KIF26B: variants seen among roughly 807,000 people sequenced by gnomAD.
The protein encoded by KIF26B is kinesin family member 26B.
In KIF26B, 63 loss-of-function variants were observed where a neutral mutation model predicts 151.2. That is an observed-to-expected ratio of 0.42 (90% CI 0.34 to 0.51). The LOEUF (loss-of-function observed/expected upper bound fraction) is 0.51, where lower values mean the gene tolerates loss of function less well. KIF26B is among the 20% of genes least tolerant of loss of function. The pLI, the probability that KIF26B is intolerant of heterozygous loss-of-function variation, is 0.07. For synonymous variants in KIF26B, 1,357 were observed against 1,262.1 expected, an observed-to-expected ratio of 1.08 and a Z score of -1.59; for missense variants, 2,813 against 2,913.6, an observed-to-expected ratio of 0.97 and a Z score of 0.79.
rs7551348 is a variant in KIF26B, at chr1:245,540,517, T to C, written c.1167-250T>C. 0.44 allele frequency: 295,506 copies of C among 678,956 alleles called. 65,575 individuals carry two copies. The highest frequency in any genetic ancestry group is 0.53 in the East Asian group (18,591 of 34,968). The allele number at this position is 678,956 out of a possible 1,614,324, so 42.1% of individuals were successfully genotyped here. ...ATGTTGGTGGATAACACATCATTCTTTGTAAATCGTGATTGCAGAATCCTG... is the reference window on the plus strand; with the variant it reads ...ATGTTGGTGGATAACACATCATTCTCTGTAAATCGTGATTGCAGAATCCTG... On this transcript the variant is annotated intron_variant, in intron 4 of 14. Coordinates refer to ENST00000407071, the MANE Select transcript of KIF26B (RefSeq NM_018012.4). This position sits in a 1 kb window ranked among gnomAD's most constrained non-coding sequence, Gnocchi z 4.6.
intron 2 of KIF26B, among the ~76,000 whole-genome samples, chr1:245,297,454 G>A (rs562778968): frequency 3.3e-4 from 51 of 152,328 alleles, no homozygotes; most frequent in African/African-American, 1.2e-3. Context: ...GGAAGGCAGA[G>A]GTGGGATTTG....
intron 2 of KIF26B, among the ~76,000 whole-genome samples, chr1:245,363,296 A>T (rs952004467): frequency 3.3e-5 from 5 of 152,136 alleles, no homozygotes; most frequent in African/African-American, 1.2e-4. Context: ...TCCCAGGCTC[A>T]AGAGATTCTC....
At chr1:245,232,740 G>C (rs1056121488) in intron 2 of KIF26B, among the ~76,000 whole-genome samples, 5 of 152,038 alleles carry the variant, frequency 3.3e-5, no homozygotes, top group African/African-American at 1.2e-4. Flanking sequence ...AGTAGAGACG[G>C]GGTTTCTCCA....
At chr1:245,277,547 C>T (rs1670961379) in intron 2 of KIF26B, among the ~76,000 whole-genome samples, 1 of 152,102 alleles carries the variant, frequency 6.6e-6, no homozygotes, top group African/African-American at 2.4e-5. Context: ...TGGCTCCAGA[C>T]CCCTGGCCTC....
intron 2 of KIF26B, among the ~76,000 whole-genome samples, chr1:245,306,677 A>G (rs1029728037): frequency 1.3e-5 from 2 of 152,144 alleles, no homozygotes; most frequent in African/African-American, 4.8e-5. Flanking sequence ...ACATTTGTAA[A>G]CCTTACATGT....
chr1:245,474,175 C>T (rs1485635516), intron 4 of KIF26B, among the ~76,000 whole-genome samples: 3 of 147,752 alleles, frequency 2.0e-5, no homozygotes, highest in African/African-American at 7.5e-5. Context: ...GTGGCATGAT[C>T]TCAGCTCACT....
Position 245,166,805 on chromosome 1 carries a change from C to T in KIF26B, c.465+10122C>T, listed in dbSNP as rs1668622319. ...AGTCTGGGAATAAAGAAGTCACCCT[C>T]CCCCACCAAGCAGGATATCCTGCAC... On this transcript the variant is annotated intron_variant, in intron 2 of 14. Coordinates refer to ENST00000407071, the MANE Select transcript of KIF26B (RefSeq NM_018012.4). The surrounding 1 kb of genome is among the most constrained non-coding windows in gnomAD (Gnocchi z 4.5). Among the ~76,000 whole-genome samples the T allele has an allele frequency of 6.6e-6, 1 of 152,128 alleles. No homozygotes were observed. Among genetic ancestry groups the T allele is most frequent in the South Asian group, 2.1e-4 (1 of 4,808 alleles).
chr1:245,418,889 G>A (rs1014337898), intron 3 of KIF26B, among the ~76,000 whole-genome samples: 6 of 152,104 alleles, frequency 3.9e-5, no homozygotes, highest in African/African-American at 9.7e-5. Context: ...AAAATGGACC[G>A]AGCTCCATCC....
chr1:245,349,924 C>T (rs1329118561), intron 2 of KIF26B, among the ~76,000 whole-genome samples: 2 of 152,120 alleles, frequency 1.3e-5, no homozygotes, highest in African/African-American at 2.4e-5. Context: ...AGGAATTGCA[C>T]CTAAAACCCA....
rs1000351016 is a variant in KIF26B, at chr1:245,670,529, T to A, written c.2259-13704T>A. On this transcript the variant is annotated intron_variant, in intron 10 of 14. Coordinates refer to ENST00000407071, the MANE Select transcript of KIF26B (RefSeq NM_018012.4). ...ATTGTAGTGAAATAAATGTCTCATT[T>A]AAAAAAAAAAGAATTGAAAGCAGGA... Among the ~76,000 whole-genome samples, 78 of 148,922 alleles carry A rather than the reference T, an allele frequency of 5.2e-4. 1 individual carries two copies. Among genetic ancestry groups the A allele is most frequent in the African/African-American group, 8.6e-4 (35 of 40,514 alleles).
intron 4 of KIF26B, among the ~76,000 whole-genome samples, chr1:245,466,823 G>T (rs1460945644): frequency 6.6e-6 from 1 of 152,184 alleles, no homozygotes; most frequent in African/African-American, 2.4e-5. Flanking sequence ...CTACTTGGGA[G>T]GCTGCGGCAC....
chr1:245,324,878 T>C (rs1671955415), intron 2 of KIF26B, among the ~76,000 whole-genome samples: 1 of 151,944 alleles, frequency 6.6e-6, no homozygotes, highest in Non-Finnish European at 1.5e-5. Flanking sequence ...GCGGATTACC[T>C]GAGGTCAGGA....
At chr1:245,640,632 T>C (rs2043882474) in intron 9 of KIF26B, among the ~76,000 whole-genome samples, 1 of 152,140 alleles carries the variant, frequency 6.6e-6, no homozygotes, top group African/African-American at 2.4e-5. Flanking sequence ...TTTTCTTTGA[T>C]AGCATGTTTT....
chr1:245,294,307 C>T (rs1573757886), intron 2 of KIF26B, among the ~76,000 whole-genome samples: 1 of 152,134 alleles, frequency 6.6e-6, no homozygotes, highest in Non-Finnish European at 1.5e-5. Context: ...TTATTCTGTT[C>T]TCAAGGCAAG....
At chr1:245,354,471 T>C (rs1490242090) in intron 2 of KIF26B, among the ~76,000 whole-genome samples, 1 of 152,200 alleles carries the variant, frequency 6.6e-6, no homozygotes, top group Admixed American at 6.5e-5. Context: ...ATCAGCCTCT[T>C]CCACCACACT....
intron 2 of KIF26B, among the ~76,000 whole-genome samples, chr1:245,314,303 T>C (rs1456088659): frequency 6.6e-6 from 1 of 151,738 alleles, no homozygotes; most frequent in Non-Finnish European, 1.5e-5. Context: ...CAAAAAAAAA[T>C]TAGCCAGGCG....
At position 245,485,172 on chromosome 1, in the gene KIF26B, C is replaced by A. The variant is rs1040321644; in HGVS notation, c.1167-55595C>A. ...ATAGGGGACCTAGAATAGGCAAATT[C>A]ATGCAGACAGAAATAGTGATTACCA... On this transcript the variant is annotated intron_variant, in intron 4 of 14. Coordinates refer to ENST00000407071, the MANE Select transcript of KIF26B (RefSeq NM_018012.4). Among the ~76,000 whole-genome samples, 14 of 152,052 alleles carry A rather than the reference C, an allele frequency of 9.2e-5. No homozygotes were observed. In the South Asian group the frequency reaches 1.9e-3, roughly 20 times the overall value.
intron 2 of KIF26B, among the ~76,000 whole-genome samples, chr1:245,317,850 A>T (rs1197039172): frequency 1.3e-5 from 2 of 152,196 alleles, no homozygotes; most frequent in African/African-American, 4.8e-5. Context: ...AGATGTTCAG[A>T]TGCGCAGAGT....
At chr1:245,392,153 CG>C (rs1441981085) in intron 3 of KIF26B, among the ~76,000 whole-genome samples, 1 of 151,932 alleles carries the variant, frequency 6.6e-6, no homozygotes, top group Admixed American at 6.6e-5. Context: ...GCTCCTGAAA[CG>C]AAAGAGTTTG....
Sources: gnomAD v4.1 joint callset for allele counts (sites outside exome capture counted in the v4.1 genomes callset) on GRCh38, gnomAD v4.1.1 for gene constraint, Gnocchi (gnomAD v3.1) non-coding constraint, MANE v1.5 for transcripts, NCBI Gene and HGNC (gene_info 2026-07-23, HGNC 2026-07-21) for gene names.